The following LMNB2 variants were observed in gnomAD, a reference collection of about 807,000 sequenced individuals.
The protein encoded by LMNB2 is lamin-B2.
Under a neutral mutation model 69.3 loss-of-function variants are expected in LMNB2, and 17 were observed. The ratio of observed to expected loss-of-function variants is 0.25; its 90% confidence interval spans 0.17 to 0.37. LMNB2 has a LOEUF of 0.37. LMNB2 is among the 10% of genes least tolerant of loss of function. The pLI, the probability that LMNB2 is intolerant of heterozygous loss-of-function variation, is 1.00. For synonymous variants in LMNB2, 397 were observed against 389.3 expected (o/e 1.02, Z -0.23); for missense variants, 789 against 883.6 (o/e 0.89, Z 1.36).
At chr19:2,432,652 T>C in intron 8 of LMNB2, 129 bp from the exon 9 acceptor site, 1 of 774,250 alleles carries the variant, frequency 1.3e-6, no homozygotes, top group Non-Finnish European at 2.3e-6. Flanking sequence ...ATTACCCCCA[T>C]GCCCTGGTCA....
chr19:2,449,376 C>T (rs1269825615), intron 1 of LMNB2, among the ~76,000 whole-genome samples: 6 of 152,318 alleles, frequency 3.9e-5, no homozygotes, highest in Non-Finnish European at 7.3e-5. Flanking sequence ...ACAAGGGGCA[C>T]GTCTCCTAAC....
In LMNB2 at chr19:2,441,687, G is replaced by C. The variant is rs560225413; in HGVS notation, c.401+2717C>G. On this transcript the variant is annotated intron_variant, in intron 2 of 11. Transcript: ENST00000325327. ...TACACTGCGGGACGTCCTTGCGGAG[G>C]GAGGCATCAGCGACACAGGCTGCCT... Among the ~76,000 whole-genome samples, 6 of 152,364 alleles carry C rather than the reference G, an allele frequency of 3.9e-5. No homozygotes were observed. In the South Asian group the frequency reaches 1.2e-3, roughly 32 times the overall value.
chr19:2,456,718 G>T lies in LMNB2; in HGVS notation c.216C>A (p.Asp72Glu). ...TCTCTGAGATCTTGAGCAGGAGCCG[G>T]TCGTTCTCCAGCTCCAGCGCGCGGA... ...DRVRALELEN[D>E]RLLLKISEKE... is the part of the protein sequence containing the mutation. The change falls in exon 1 of 12, where the codon GAC becomes GAA. Residue 72 changes from aspartate (D) to glutamate (E), a missense_variant. Around this residue, in one of 3 missense-constraint regions of LMNB2, gnomAD observed 145 missense variants for 228.9 expected, o/e 0.63. Transcript: ENST00000325327. 1 of 1,565,056 alleles carries T rather than the reference G, an allele frequency of 6.4e-7. No individual in the cohort carries two copies. Among genetic ancestry groups the T allele is most frequent in the East Asian group, 2.5e-5 (1 of 39,698 alleles).
intron 5 of LMNB2, 24 bp downstream of exon 5, chr19:2,434,960 TTCCCACCGGCCGCCCCC>T (rs1971802978): frequency 6.4e-7 from 1 of 1,556,602 alleles, no homozygotes; most frequent in Non-Finnish European, 8.6e-7. Context: ...CGGGGCGGGG[TTCCCACCGGCCGCCCCC>T]GCCCACCCGC....
intron 1 of LMNB2, among the ~76,000 whole-genome samples, chr19:2,451,884 C>T (rs1972026055): frequency 6.6e-6 from 1 of 152,094 alleles, no homozygotes; most frequent in Non-Finnish European, 1.5e-5. Flanking sequence ...GCCTGGGCCG[C>T]CTCCGAGACC....
intron 1 of LMNB2, among the ~76,000 whole-genome samples, chr19:2,449,334 G>A (rs780414757): frequency 6.6e-6 from 1 of 152,198 alleles, no homozygotes; most frequent in Non-Finnish European, 1.5e-5. Flanking sequence ...TCCACCATCC[G>A]GGAGTGTGGG....
At chr19:2,431,030 A>G (rs1971733067) in intron 11 of LMNB2, 78 bp from the exon 12 acceptor site, 1 of 869,554 alleles carries the variant, frequency 1.2e-6, no homozygotes, top group Non-Finnish European at 2.0e-6. Context: ...GGCTGCCCCC[A>G]CCTCCCCACC....
intron 4 of LMNB2, among the ~76,000 whole-genome samples, chr19:2,435,459 G>C (rs558596300): frequency 6.6e-6 from 1 of 152,188 alleles, no homozygotes; most frequent in South Asian, 2.1e-4. Flanking sequence ...GCCACACGGT[G>C]CGTGATCCCA....
intron 1 of LMNB2, among the ~76,000 whole-genome samples, chr19:2,456,419 CT>C (rs1972090187): frequency 1.3e-5 from 2 of 149,680 alleles, no homozygotes; most frequent in African/African-American, 4.9e-5. Context: ...TCGAAACCCC[CT>C]GGAGACCCTC....
rs1472490655 is a variant in LMNB2, at chr19:2,436,755, G to A, written c.684+1408C>T. On this transcript the variant is annotated intron_variant, in intron 4 of 11. Coordinates refer to ENST00000325327, the MANE Select transcript of LMNB2 (RefSeq NM_032737.4). ...ACCACAGCCGCGCACCCACCTCCAC[G>A]GCCGCCCTTCCGCCCCCACGGCCGC... The A allele has an allele frequency of 2.9e-3, 439 of 151,848 alleles. 3 individuals are homozygous for A. Among genetic ancestry groups the A allele is most frequent in the African/African-American group, 0.011 (413 of 38,774 alleles). The allele number at this position is 151,848 out of a possible 1,614,324, so 9.4% of individuals were successfully genotyped here. A position where few individuals can be genotyped will look rare whatever the true frequency, so the allele number is the denominator to read the frequency against.
At chr19:2,438,330 G>A (rs1056535329) in intron 3 of LMNB2, 42 bp from the exon 4 acceptor site, 2 of 1,613,684 alleles carry the variant, frequency 1.2e-6, no homozygotes, top group Middle Eastern at 3.3e-4. Context: ...CAATCTGTCT[G>A]TTGCATATAC....
At chr19:2,433,037 ACCC>A (rs1306139483) in intron 8 of LMNB2, among the ~76,000 whole-genome samples, 2 of 53,332 alleles carry the variant, frequency 3.8e-5, no homozygotes, top group African/African-American at 7.6e-5. Context: ...GACCCTGATC[ACCC>A]CCATCAGCTG....
rs781412710 is a variant in LMNB2 at position 2,433,797 on chromosome 19, T to C, written c.1482+29A>G. 4 of 1,612,224 alleles carry C rather than the reference T, an allele frequency of 2.5e-6. No homozygotes were observed. In the East Asian group the frequency reaches 8.9e-5, roughly 36 times the overall value. The stretch of plus-strand genomic sequence containing the variant: ...ACCCCCATCAGCTGGGTCACCCCGT[T>C]ACCCCCATGCCCCGGTCTTTCCGGT... On this transcript the variant is annotated intron_variant, in intron 8 of 11. Transcript: ENST00000325327.
intron 8 of LMNB2, among the ~76,000 whole-genome samples, chr19:2,432,793 G>A (rs1313113068): frequency 3.4e-5 from 5 of 147,030 alleles, no homozygotes; most frequent in Non-Finnish European, 6.0e-5. Context: ...CCCCTGCCTC[G>A]CATTGGCCGG....
At chr19:2,432,583 G>A (rs377655332) in intron 8 of LMNB2, 60 bp from the exon 9 acceptor site, 104 of 1,400,516 alleles carry the variant, frequency 7.4e-5, no homozygotes, top group African/African-American at 5.8e-4. Context: ...CGCCCCCATC[G>A]CCCTGGCTGG....
chr19:2,446,866 C>T (rs115192914), intron 1 of LMNB2, among the ~76,000 whole-genome samples: 2,543 of 152,234 alleles, frequency 0.017, 61 homozygotes, highest in African/African-American at 0.054. Flanking sequence ...TGGTGCCGGG[C>T]GCAGTGGCTC....
In LMNB2 at chr19:2,434,336, C is replaced by G; in HGVS notation, c.1161G>C (p.Glu387Asp). The G allele has an allele frequency of 6.2e-7, 1 of 1,613,202 alleles. No individual in the cohort carries two copies. The change falls in exon 7 of 12, where the codon GAG becomes GAC. Residue 387 changes from glutamate (E) to aspartate (D), a missense_variant. By Grantham distance (45) the Glu-to-Asp change is conservative. Around this residue, in one of 3 missense-constraint regions of LMNB2, gnomAD observed 609 missense variants for 630.9 expected, o/e 0.97. Coordinates refer to ENST00000325327, the MANE Select transcript of LMNB2 (RefSeq NM_032737.4). ...LLDVKLALDM[E>D]INAYRKLLEG... ...CCAGGAGCTTCCGGTAGGCGTTGAT[C>G]TCCATGTCCAGGGCCAGCTTCACGT...
At chr19:2,440,416 C>G (rs1302983172) in intron 2 of LMNB2, among the ~76,000 whole-genome samples, 1 of 152,120 alleles carries the variant, frequency 6.6e-6, no homozygotes, top group Non-Finnish European at 1.5e-5. Context: ...TCTTGAACTC[C>G]CATCCTCAAG....
rs753520973 is a variant in LMNB2, at chr19:2,444,520, C to G, written c.285G>C (p.Leu95=). 4 of 1,611,386 alleles carry G rather than the reference C, an allele frequency of 2.5e-6. No individual in the cohort carries two copies. The African/African-American group carries it at 4.0e-5, about 16-fold the overall frequency. Residue 95 remains leucine (L), a synonymous_variant, in exon 2 of 12, where the codon CTG becomes CTC. Transcript: ENST00000325327. ...GGGCATCGGCCAGCTCCGACTCGTACAGCGCCTTGATGCCACTCACCTGGG... is the reference window on the plus strand; with the variant it reads ...GGGCATCGGCCAGCTCCGACTCGTAGAGCGCCTTGATGCCACTCACCTGGG... ...TTREVSGIKA[L]YESELADARR... is the part of the protein sequence containing the mutation.
Sources: allele counts gnomAD v4.1 joint callset (sites outside exome capture counted in the v4.1 genomes callset), GRCh38; gene constraint gnomAD v4.1.1; regional missense constraint gnomAD v4.1.1; transcripts MANE v1.5; gene names NCBI Gene and HGNC (gene_info 2026-07-23, HGNC 2026-07-21).